GNA13: variants seen among roughly 807,000 people sequenced by gnomAD.
GNA13 encodes the protein guanine nucleotide-binding protein subunit alpha-13.
In GNA13, 4 loss-of-function variants were observed where a neutral mutation model predicts 33.5. The ratio of observed to expected loss-of-function variants is 0.12; its 90% CI spans 0.06 to 0.27. The LOEUF is 0.27. Among genes scored for constraint, GNA13 ranks in the 10% least tolerant of loss-of-function variants. The pLI is 1.00. For missense variants in GNA13, 319 were observed against 487.2 expected, an observed-to-expected ratio of 0.65 and a Z score of 3.25; for synonymous variants, 176 against 183.8, an observed-to-expected ratio of 0.96 and a Z score of 0.34.
chr17:65,027,239 G>A (rs147737394), intron 2 of GNA13, among the ~76,000 whole-genome samples: 40 of 151,688 alleles, frequency 2.6e-4, no homozygotes, highest in African/African-American at 9.2e-4. Flanking sequence ...AATCCAAAGT[G>A]CACCTGTCTT....
chr17:65,023,550 C>A (rs773946508), intron 2 of GNA13, among the ~76,000 whole-genome samples: 15 of 152,170 alleles, frequency 9.9e-5, no homozygotes, highest in Non-Finnish European at 2.1e-4. Context: ...TGAATGAATT[C>A]AACCTAAAAT....
intron 2 of GNA13, among the ~76,000 whole-genome samples, chr17:65,037,778 G>GAAAAAAAAGAAAA (rs1907305616): frequency 1.0e-5 from 1 of 99,140 alleles, no homozygotes; most frequent in Non-Finnish European, 1.8e-5. Context: ...TACAAAAATG[G>GAAAAAAAAGAAAA]AAAAAAAAAA....
intron 2 of GNA13, among the ~76,000 whole-genome samples, chr17:65,030,863 A>G (rs2143795119): frequency 6.6e-6 from 1 of 152,340 alleles, no homozygotes; most frequent in Non-Finnish European, 1.5e-5. Context: ...TTAAAAAAGT[A>G]CCCAATTTTT....
chr17:65,038,879 G>T (rs1220352977), intron 2 of GNA13, among the ~76,000 whole-genome samples: 1 of 152,156 alleles, frequency 6.6e-6, no homozygotes, highest in Non-Finnish European at 1.5e-5. Flanking sequence ...ATCTCACAAC[G>T]TTTACTGAAT....
intron 2 of GNA13, among the ~76,000 whole-genome samples, chr17:65,032,546 C>T (rs1907087245): frequency 1.3e-5 from 2 of 152,140 alleles, no homozygotes; most frequent in South Asian, 4.1e-4. Context: ...GGTCTTTCTC[C>T]CTTTAATTTT....
At chr17:65,048,372 A>T (rs1255249135) in intron 2 of GNA13, among the ~76,000 whole-genome samples, 1 of 152,198 alleles carries the variant, frequency 6.6e-6, no homozygotes, top group Non-Finnish European at 1.5e-5. Flanking sequence ...TTGTCACATA[A>T]GAAGGTTTTC....
intron 2 of GNA13, among the ~76,000 whole-genome samples, chr17:65,048,642 A>G (rs979836838): frequency 6.6e-6 from 1 of 152,244 alleles, no homozygotes; most frequent in African/African-American, 2.4e-5. Context: ...ACCTTTGGGA[A>G]CTTAGAAAGA....
At chr17:65,035,551 TAAA>T (rs1008315622) in intron 2 of GNA13, among the ~76,000 whole-genome samples, 2 of 151,934 alleles carry the variant, frequency 1.3e-5, no homozygotes, top group African/African-American at 4.8e-5. Context: ...ATTTTAAACT[TAAA>T]AAAAACAAGC....
chr17:65,021,737 T>C (rs183972970), intron 2 of GNA13, among the ~76,000 whole-genome samples: 3 of 152,240 alleles, frequency 2.0e-5, no homozygotes, highest in Non-Finnish European at 2.9e-5. Context: ...ACTCTGCTTA[T>C]AGAAAATAGG....
intron 2 of GNA13, among the ~76,000 whole-genome samples, chr17:65,030,585 A>G (rs1035852998): frequency 6.6e-6 from 1 of 152,272 alleles, no homozygotes; most frequent in Non-Finnish European, 1.5e-5. Context: ...CTACTAAAAT[A>G]AAACATCACT....
At chr17:65,043,717 A>G (rs1262832631) in intron 2 of GNA13, among the ~76,000 whole-genome samples, 1 of 152,260 alleles carries the variant, frequency 6.6e-6, no homozygotes, top group Non-Finnish European at 1.5e-5. Flanking sequence ...ACTGATAAAA[A>G]ATGAAAACAA....
At chr17:65,054,589 G>C (rs1174354069) in intron 1 of GNA13, among the ~76,000 whole-genome samples, 2 of 152,174 alleles carry the variant, frequency 1.3e-5, no homozygotes, top group Non-Finnish European at 2.9e-5. Flanking sequence ...GGGATTGCAG[G>C]AGTGAGCCAC....
chr17:65,018,562 C>T (rs1485678759), intron 2 of GNA13, among the ~76,000 whole-genome samples: 2 of 152,194 alleles, frequency 1.3e-5, no homozygotes, highest in African/African-American at 2.4e-5. Context: ...GACAGGATTA[C>T]ACGCATGCTT....
At chr17:65,031,019 T>C (rs1338478749) in intron 2 of GNA13, among the ~76,000 whole-genome samples, 1 of 152,228 alleles carries the variant, frequency 6.6e-6, no homozygotes, top group Non-Finnish European at 1.5e-5. Flanking sequence ...TAAGTATACA[T>C]GTGATTCCAA....
intron 2 of GNA13, among the ~76,000 whole-genome samples, chr17:65,037,671 C>T (rs1396672524): frequency 6.9e-6 from 1 of 145,258 alleles, no homozygotes; most frequent in African/African-American, 2.5e-5. Flanking sequence ...GTGGCTCACA[C>T]CTGCAATCCC....
At chr17:65,036,774 G>A (rs947514558) in intron 2 of GNA13, among the ~76,000 whole-genome samples, 5 of 152,120 alleles carry the variant, frequency 3.3e-5, no homozygotes, top group African/African-American at 1.2e-4. Flanking sequence ...TCACCTCTGT[G>A]GCCATATGCT....
intron 2 of GNA13, among the ~76,000 whole-genome samples, chr17:65,050,675 G>C (rs1181195819): frequency 6.6e-6 from 1 of 152,104 alleles, no homozygotes; most frequent in African/African-American, 2.4e-5. Flanking sequence ...AGTCTACAGT[G>C]AGCTATGATC....
rs188686992 is a variant in GNA13, at chr17:65,053,873, T to C, written c.284-145A>G. 5.4e-4 allele frequency: 325 copies of C among 605,072 alleles called. 1 individual carries two copies. The highest frequency in any genetic ancestry group is 7.9e-4 in the Non-Finnish European group (271 of 345,018). The allele number at this position is 605,072 out of a possible 1,614,324, so 37.5% of individuals were successfully genotyped here. On this transcript the variant is annotated intron_variant, in intron 1 of 3. Coordinates refer to ENST00000439174, the MANE Select transcript of GNA13 (RefSeq NM_006572.6). ...AATGAAGACCAACATCGAAAACAAA[T>C]GTAACTTCTCAGAGGTTAAAAAAAA...
chr17:65,009,373 A>G lies in GNA13; in HGVS notation c.*4884T>C, dbSNP rs1906094395. Among the ~76,000 whole-genome samples the G allele has an allele frequency of 1.3e-5, 2 of 152,234 alleles. No homozygotes were observed. Among genetic ancestry groups the G allele is most frequent in the Non-Finnish European group, 2.9e-5 (2 of 68,036 alleles). ...GCAAGAGGCAAATGTTTTGCAAAAT[A>G]TGTACAAAAGTAAAAAGCTGTAATG... On this transcript the variant is annotated 3_prime_UTR_variant, in exon 4 of 4. Transcript: ENST00000439174.
Sources: allele counts gnomAD v4.1 joint callset (sites outside exome capture counted in the v4.1 genomes callset), GRCh38; gene constraint gnomAD v4.1.1; transcripts MANE v1.5; gene names NCBI Gene and HGNC (gene_info 2026-07-23, HGNC 2026-07-21).